The following HECTD3 variants were observed in gnomAD, a reference collection of about 807,000 sequenced individuals.
HECTD3 encodes HECT domain E3 ubiquitin protein ligase 3.
A neutral mutation model predicts 109.3 loss-of-function variants in HECTD3; 72 were observed. The ratio of observed to expected loss-of-function variants is 0.66; its 90% CI spans 0.54 to 0.80. The LOEUF is 0.80. Ranked by LOEUF, HECTD3 falls within the 30% of genes least tolerant of loss-of-function variation. The pLI is 0.00. For synonymous variants in HECTD3, 481 were observed against 471.8 expected (o/e 1.02, Z -0.25); for missense variants, 1,041 against 1,165.2 (o/e 0.89, Z 1.55).
chr1:45,003,167 GT>G lies in HECTD3; in HGVS notation c.*324del. 1 of 319,958 alleles carries G rather than the reference GT, an allele frequency of 3.1e-6. No homozygotes were observed. The highest frequency in any genetic ancestry group is 5.6e-5 in the East Asian group (1 of 17,906). 19.8% of individuals were successfully genotyped at this position (319,958 alleles called of 1,614,324 possible). On this transcript the variant is annotated 3_prime_UTR_variant, in exon 21 of 21. Coordinates refer to ENST00000372172, the MANE Select transcript of HECTD3 (RefSeq NM_024602.6). This position sits in a 1 kb window ranked among gnomAD's most constrained non-coding sequence, Gnocchi z 4.7. Reference sequence around the variant, plus strand: ...AGGCGGAGCTGAAAATGGAGGCAAAGTCCATGGGTTGGGGACCTAGATGGCC... The same window carrying G: ...AGGCGGAGCTGAAAATGGAGGCAAAGCCATGGGTTGGGGACCTAGATGGCC...
rs757387666 is a variant in HECTD3 at position 45,008,590 on chromosome 1, C to A, written c.1184G>T (p.Arg395Leu). 3.1e-6 allele frequency: 5 copies of A among 1,613,912 alleles called. No homozygotes were observed. The highest frequency in any genetic ancestry group is 1.1e-5 in the South Asian group (1 of 91,080). The change falls in exon 8 of 21, where the codon CGC (arginine) becomes CTC (leucine). Residue 395 changes from arginine (R) to leucine (L), a missense_variant. By Grantham distance (102) the Arg-to-Leu change is moderately radical. Transcript: ENST00000372172. ...FQPTSLVRYPRLEGTDPEVLY... is the reference protein window; with the variant it reads ...FQPTSLVRYPLLEGTDPEVLY... ...TACTTCAGGGTCGGTGCCTTCTAGG[C>A]GTGGATATCGCACCAGACTAGTTGG... is the stretch of plus-strand genomic sequence containing the variant.
rs1279945394 is a variant in HECTD3, at chr1:45,009,403, T to G, written c.955A>C (p.Asn319His). Residue 319 changes from asparagine to histidine, a missense_variant, in exon 6 of 21, where the codon AAC becomes CAC. Physicochemically the swap from Asn to His is moderately conservative, Grantham distance 68. This residue lies in a region of HECTD3 where 472 missense variants were observed against 449.9 expected (regional missense o/e 1.05). Transcript: ENST00000372172. ...CTCACGTCACTCAGCTTCTTCAGGT[T>G]GTCCCCTTCACCCCCATAGACCACC... ...RVVVYGGEGD[N>H]LKKLSDVSID... 6.2e-7 allele frequency: 1 copy of G among 1,614,078 alleles called. No homozygotes were observed. The highest frequency in any genetic ancestry group is 8.5e-7 in the Non-Finnish European group (1 of 1,179,952).
At chr1:45,008,437 C>G (rs1175563400) in intron 8 of HECTD3, 99 bp downstream of exon 8, 1 of 1,501,898 alleles carries the variant, frequency 6.7e-7, no homozygotes, top group Admixed American at 1.7e-5. Context: ...GACCCTTGAA[C>G]AGCTTATACT....
In HECTD3 at chr1:45,009,679, T is replaced by C; in HGVS notation, c.764A>G (p.Glu255Gly). 6.2e-7 allele frequency: 1 copy of C among 1,612,362 alleles called. No homozygotes were observed. The change falls in exon 5 of 21, where the codon GAG becomes GGG. Residue 255 changes from glutamate to glycine, a missense_variant. This residue lies in a region of HECTD3 where 472 missense variants were observed against 449.9 expected (regional missense o/e 1.05). Coordinates refer to ENST00000372172, the MANE Select transcript of HECTD3 (RefSeq NM_024602.6). Reference protein sequence around the residue: ...ESIDVSSYTEEFNVSCLTDSN... With the variant: ...ESIDVSSYTEGFNVSCLTDSN... ...GTCTGTCAGGCAGGACACGTTGAACTCCTCCTGGGGAGGGGCAGAGACGTG... is the reference window on the plus strand; with the variant it reads ...GTCTGTCAGGCAGGACACGTTGAACCCCTCCTGGGGAGGGGCAGAGACGTG...
Position 45,010,871 on chromosome 1 carries a change from G to T in HECTD3, c.369+18C>A. ...CCCCAGGGGTCTTTTACCGGGTCCTGGGCAGGGAAGAGCGCACCTTTGTCA... is the reference window on the plus strand; with the variant it reads ...CCCCAGGGGTCTTTTACCGGGTCCTTGGCAGGGAAGAGCGCACCTTTGTCA... On this transcript the variant is annotated intron_variant, in intron 1 of 20. Transcript: ENST00000372172. 6.6e-7 allele frequency: 1 copy of T among 1,512,898 alleles called. No homozygotes were observed. The highest frequency in any genetic ancestry group is 8.8e-7 in the Non-Finnish European group (1 of 1,141,158). The allele number at this position is 1,512,898 out of a possible 1,614,324, so 93.7% of individuals were successfully genotyped here. A position where few individuals can be genotyped will look rare whatever the true frequency, so the allele number is the denominator to read the frequency against.
chr1:45,008,658 T>A lies in HECTD3; in HGVS notation c.1116A>T (p.Ser372=). 2.5e-6 allele frequency: 4 copies of A among 1,613,964 alleles called. No individual in the cohort carries two copies. The highest frequency in any genetic ancestry group is 1.1e-5 in the South Asian group (1 of 91,078). The change falls in exon 8 of 21, where the codon TCA becomes TCT. Residue 372 remains serine (S), a synonymous_variant. Coordinates refer to ENST00000372172, the MANE Select transcript of HECTD3 (RefSeq NM_024602.6). ...TCAACCCTAGTTCCCGCTGTCTAGA[T>A]GACTTGATCTTGACCCCTCGGAGAC... ...DVRLRGVKIK[S]SRQRELGLNA...
chr1:45,009,986 C>G lies in HECTD3; in HGVS notation c.759G>C (p.Thr253=). ...GGGTGGGAGGAGCCCCAGCACCCAC[C>G]GTGTAGGAGGAAACGTCTATGCTCT... ...YVESIDVSSY[T]EEFNVSCLTD... The change falls in exon 4 of 21, where the codon ACG becomes ACC. Residue 253 remains threonine, a splice_region_variant and synonymous_variant. Transcript: ENST00000372172. 3 of 1,524,988 alleles carry G rather than the reference C, an allele frequency of 2.0e-6. No individual in the cohort carries two copies. Among genetic ancestry groups the G allele is most frequent in the Non-Finnish European group, 2.6e-6 (3 of 1,134,568 alleles). 94.5% of individuals were successfully genotyped at this position (1,524,988 alleles called of 1,614,324 possible). A position where few individuals can be genotyped will look rare whatever the true frequency, so the allele number is the denominator to read the frequency against.
At chr1:45,005,565 C>A (rs993360014) in intron 15 of HECTD3, 72 of 414,394 alleles carry the variant, frequency 1.7e-4, no homozygotes, top group African/African-American at 1.4e-3. Context: ...CATCTTGGGG[C>A]AAACGTCGAG....
In HECTD3 at chr1:45,010,650, C is replaced by A; in HGVS notation, c.426G>T (p.Val142=). Reference sequence around the variant, plus strand: ...GGGCTCCGCCCTCCGCCGGGCGGCACACCAGCAGCCAGCCTTCCTGCAGCC... The same window carrying A: ...GGGCTCCGCCCTCCGCCGGGCGGCAAACCAGCAGCCAGCCTTCCTGCAGCC... ...DCGLQEGWLL[V]CRPAEGGARL... Residue 142 remains valine (V), a synonymous_variant, in exon 2 of 21, where the codon GTG becomes GTT. Coordinates refer to ENST00000372172, the MANE Select transcript of HECTD3 (RefSeq NM_024602.6). 6.3e-7 allele frequency: 1 copy of A among 1,598,458 alleles called. No homozygotes were observed. Among genetic ancestry groups the A allele is most frequent in the Non-Finnish European group, 8.5e-7 (1 of 1,175,302 alleles).
In HECTD3 at chr1:45,003,459, C is replaced by T. The variant is rs745576935; in HGVS notation, c.*33G>A. 1 of 1,592,582 alleles carries T rather than the reference C, an allele frequency of 6.3e-7. No homozygotes were observed. The highest frequency in any genetic ancestry group is 8.6e-7 in the Non-Finnish European group (1 of 1,160,742). On this transcript the variant is annotated 3_prime_UTR_variant, in exon 21 of 21. Transcript: ENST00000372172. The surrounding 1 kb of genome is among the most constrained non-coding windows in gnomAD (Gnocchi z 4.7). ...TGGGCAAGGCCAAGAGGGACACGTG[C>T]AGTCTTGCTGGTCCCACAGCCGGCG...
rs768691179 is a variant in HECTD3 at position 45,004,749 on chromosome 1, C to T, written c.1993G>A (p.Gly665Arg). The change falls in exon 16 of 21, where the codon GGG (glycine) becomes AGG (arginine). Residue 665 changes from glycine (G) to arginine (R), a missense_variant. Coordinates refer to ENST00000372172, the MANE Select transcript of HECTD3 (RefSeq NM_024602.6). ...MDKETFEFKFGKELTFTTVLS... is the reference protein window; with the variant it reads ...MDKETFEFKFRKELTFTTVLS... Reference sequence around the variant, plus strand: ...ACAGTGGTGAATGTTAGTTCCTTCCCAAACTTGAACTCAAACGTCTCCTTG... The same window carrying T: ...ACAGTGGTGAATGTTAGTTCCTTCCTAAACTTGAACTCAAACGTCTCCTTG... 4 of 1,614,226 alleles carry T rather than the reference C, an allele frequency of 2.5e-6. No homozygotes were observed. The highest frequency in any genetic ancestry group is 3.4e-6 in the Non-Finnish European group (4 of 1,180,034).
chr1:45,010,675 C>G lies in HECTD3; in HGVS notation c.401G>C (p.Gly134Ala), dbSNP rs764374191. ...CACCAGCAGCCAGCCTTCCTGCAGC[C>G]CGCAGTCGCCCAGGTGCTCTGCCAG... is the stretch of plus-strand genomic sequence containing the variant. ...EQLAEHLGDC[G>A]LQEGWLLVCR... The change falls in exon 2 of 21, where the codon GGG becomes GCG. Residue 134 changes from glycine (G) to alanine (A), a missense_variant. Coordinates refer to ENST00000372172, the MANE Select transcript of HECTD3 (RefSeq NM_024602.6). 5 of 1,574,912 alleles carry G rather than the reference C, an allele frequency of 3.2e-6. No homozygotes were observed. In the South Asian group the frequency reaches 5.7e-5, roughly 18 times the overall value.
At position 45,011,213 on chromosome 1, in the gene HECTD3, C is replaced by A; in HGVS notation, c.45G>T (p.Gln15His). Residue 15 changes from glutamine (Q) to histidine (H), a missense_variant, in exon 1 of 21, where the codon CAG becomes CAT. Transcript: ENST00000372172. ...CCAAGAAGCGCACGCGGCCCAGCAG[C>A]TGCCGGGGGGACTCCAGCACCGCGC... Reference protein sequence around the residue: ...GPGAVLESPRQLLGRVRFLAE... With the variant: ...GPGAVLESPRHLLGRVRFLAE... The A allele has an allele frequency of 7.0e-7, 1 of 1,432,532 alleles. No homozygotes were observed. The highest frequency in any genetic ancestry group is 9.1e-7 in the Non-Finnish European group (1 of 1,101,216). 88.7% of individuals were successfully genotyped at this position (1,432,532 alleles called of 1,614,324 possible).
At chr1:45,007,381 C>A in intron 10 of HECTD3, 32 bp downstream of exon 10, 1 of 1,612,172 alleles carries the variant, frequency 6.2e-7, no homozygotes, top group Non-Finnish European at 8.5e-7. Flanking sequence ...CTTGACTGAT[C>A]CTATCTCAGT....
rs761999394 is a variant in HECTD3, at chr1:45,008,233, G to A, written c.1320+7C>T. The A allele has an allele frequency of 8.7e-6, 14 of 1,610,994 alleles. No individual in the cohort carries two copies. The highest frequency in any genetic ancestry group is 1.7e-5 in the Admixed American group (1 of 59,956). On this transcript the variant is annotated splice_region_variant and intron_variant, in intron 9 of 20. Transcript: ENST00000372172. ...TGCCAAGACCAGCACTGGCTGGGTC[G>A]GCTCACCTTAATCTCACTGAAGGTG...
Position 45,007,493 on chromosome 1 carries a change from A to C in HECTD3, c.1423T>G (p.Tyr475Asp), listed in dbSNP as rs1259727236. The C allele has an allele frequency of 3.7e-6, 6 of 1,613,992 alleles. No homozygotes were observed. In the Admixed American group the frequency reaches 1.0e-4, roughly 27 times the overall value. ...TCCATGGCAAGACGGCGGTTGATGT[A>C]TAGGCGTGGCATGAAGCTGGGCTTG... ...SSKPSFMPRL[Y>D]INRRLAMEHR... is the part of the protein sequence containing the mutation. The change falls in exon 10 of 21, where the codon TAC becomes GAC. Residue 475 changes from tyrosine (Y) to aspartate (D), a missense_variant. Around this residue, in one of 2 missense-constraint regions of HECTD3, gnomAD observed 569 missense variants for 715.3 expected, o/e 0.80. Transcript: ENST00000372172.
rs760916524 is a variant in HECTD3 at position 45,010,119 on chromosome 1, T to A, written c.626A>T (p.Tyr209Phe). The A allele has an allele frequency of 6.2e-7, 1 of 1,611,328 alleles. No individual in the cohort carries two copies. The highest frequency in any genetic ancestry group is 1.7e-5 in the Admixed American group (1 of 59,956). The change falls in exon 4 of 21, where the codon TAT (tyrosine) becomes TTT (phenylalanine). Residue 209 changes from tyrosine (Y) to phenylalanine (F), a missense_variant and splice_region_variant. Physicochemically the swap from Tyr to Phe is conservative, Grantham distance 22. Around this residue, in one of 2 missense-constraint regions of HECTD3, gnomAD observed 472 missense variants for 449.9 expected, o/e 1.05. Coordinates refer to ENST00000372172, the MANE Select transcript of HECTD3 (RefSeq NM_024602.6). ...CTCGTAGGTCCATGTCGGGGGTACA[T>A]AGCTAAGCAACCCCAAGCCCCTAAT... ...AYAEAVQRLL[Y>F]VPPTWTYECD...
In HECTD3 at chr1:45,005,798, A is replaced by G; in HGVS notation, c.1931T>C (p.Val644Ala). Reference sequence around the variant, plus strand: ...CTGGTTCCAGGTCCTACTCACCAGCACAGAGTCCACAGCTGGGAAGTCCTT... The same window carrying G: ...CTGGTTCCAGGTCCTACTCACCAGCGCAGAGTCCACAGCTGGGAAGTCCTT... ...WSKDFPAVDSVLVKLLEVMEG... is the reference protein window; with the variant it reads ...WSKDFPAVDSALVKLLEVMEG... The change falls in exon 15 of 21, where the codon GTG becomes GCG. Residue 644 changes from valine (V) to alanine (A), a missense_variant. Coordinates refer to ENST00000372172, the MANE Select transcript of HECTD3 (RefSeq NM_024602.6). 6.3e-7 allele frequency: 1 copy of G among 1,592,926 alleles called. No homozygotes were observed. The highest frequency in any genetic ancestry group is 8.5e-7 in the Non-Finnish European group (1 of 1,170,170).
Position 45,006,997 on chromosome 1 carries a change from G to A in HECTD3, c.1575C>T (p.Asp525=). 6.2e-7 allele frequency: 1 copy of A among 1,614,042 alleles called. No homozygotes were observed. Among genetic ancestry groups the A allele is most frequent in the South Asian group, 1.1e-5 (1 of 91,074 alleles). Reference sequence around the variant, plus strand: ...CAATAAATTTACACTCCCACCACTGGTCATAGCGCATGGGCCACCTGCAAA... The same window carrying A: ...CAATAAATTTACACTCCCACCACTGATCATAGCGCATGGGCCACCTGCAAA... ...PLDYRWPMRY[D]QWWECKFIAE... is the part of the protein sequence containing the mutation. Residue 525 remains aspartate, a synonymous_variant, in exon 12 of 21, where the codon GAC becomes GAT. Transcript: ENST00000372172. This position sits in a 1 kb window ranked among gnomAD's most constrained non-coding sequence, Gnocchi z 4.7.
Sources: allele counts gnomAD v4.1 joint callset, GRCh38; gene constraint gnomAD v4.1.1; regional missense constraint gnomAD v4.1.1; non-coding constraint Gnocchi (gnomAD v3.1); transcripts MANE v1.5; gene names NCBI Gene and HGNC (gene_info 2026-07-23, HGNC 2026-07-21).